Variants in BACH1 observed in about 807,000 individuals in gnomAD.
The protein encoded by BACH1 is BTB domain and CNC homolog 1.
BACH1 carries 35 observed loss-of-function variants against 52.9 expected under a neutral mutation model. That is an observed-to-expected ratio of 0.66 (90% CI 0.51 to 0.88). The LOEUF (loss-of-function observed/expected upper bound fraction) is 0.88, where lower values mean the gene tolerates loss of function less well. Ranked by LOEUF, BACH1 falls within the 40% of genes least tolerant of loss-of-function variation. BACH1 has a pLI of 0.00. For synonymous variants in BACH1, 321 were observed against 319.6 expected, an observed-to-expected ratio of 1.00 and a Z score of -0.05; for missense variants, 808 against 872.6, an observed-to-expected ratio of 0.93 and a Z score of 0.93.
chr21:29,343,520 T>A lies in BACH1; in HGVS notation c.*687T>A, dbSNP rs1281659116. 1 of 152,288 alleles carries A rather than the reference T, an allele frequency of 6.6e-6. No homozygotes were observed. Among genetic ancestry groups the A allele is most frequent in the African/African-American group, 2.4e-5 (1 of 41,462 alleles). 9.4% of individuals were successfully genotyped at this position (152,288 alleles called of 1,614,324 possible). A position where few individuals can be genotyped will look rare whatever the true frequency, so the allele number is the denominator to read the frequency against. ...GAAAGTCTGGCTACATGAATAGATTTAAGTGTCACTTTCCCTCCCTGCCCC... is the reference window on the plus strand; with the variant it reads ...GAAAGTCTGGCTACATGAATAGATTAAAGTGTCACTTTCCCTCCCTGCCCC... On this transcript the variant is annotated 3_prime_UTR_variant, in exon 5 of 5. Transcript: ENST00000286800.
chr21:29,341,045 G>C (rs2123474084), intron 4 of BACH1, among the ~76,000 whole-genome samples: 1 of 149,546 alleles, frequency 6.7e-6, no homozygotes, highest in South Asian at 2.1e-4. Context: ...TAAAAATTTA[G>C]TATTTTGTAT....
chr21:29,301,236 T>A (rs1275961249), intron 1 of BACH1, among the ~76,000 whole-genome samples: 3 of 152,138 alleles, frequency 2.0e-5, no homozygotes, highest in African/African-American at 7.2e-5. Context: ...GGAGGTTCAT[T>A]TGGAAGGAAT....
At chr21:29,347,608 A>G (rs2089177195), downstream of BACH1, among the ~76,000 whole-genome samples, 1 of 152,184 alleles carries the variant, frequency 6.6e-6, no homozygotes. Flanking sequence ...CTGGAGGAGG[A>G]GAGCATCTGT....
At chr21:29,303,204 A>G (rs942853036) in intron 1 of BACH1, among the ~76,000 whole-genome samples, 1 of 152,256 alleles carries the variant, frequency 6.6e-6, no homozygotes, top group Admixed American at 6.5e-5. Context: ...TGCCTGTACT[A>G]ATACAGAAAA....
At chr21:29,323,597 G>A (rs1935328752) in intron 2 of BACH1, among the ~76,000 whole-genome samples, 1 of 152,012 alleles carries the variant, frequency 6.6e-6, no homozygotes, top group Admixed American at 6.6e-5. Flanking sequence ...ATTGAGGGTG[G>A]GTCTTCCTCT....
Position 29,345,229 on chromosome 21 carries a change from A to G in BACH1, c.*2396A>G, listed in dbSNP as rs941215950. On this transcript the variant is annotated 3_prime_UTR_variant, in exon 5 of 5. Transcript: ENST00000286800. Reference sequence around the variant, plus strand: ...TTTTCTGTATATTGCATAGCATTACACATTTATGCCTATTTTAACATTAAC... The same window carrying G: ...TTTTCTGTATATTGCATAGCATTACGCATTTATGCCTATTTTAACATTAAC... 2 of 152,776 alleles carry G rather than the reference A, an allele frequency of 1.3e-5. No homozygotes were observed. The highest frequency in any genetic ancestry group is 2.9e-5 in the Non-Finnish European group (2 of 68,010). 9.5% of individuals were successfully genotyped at this position (152,776 alleles called of 1,614,324 possible).
chr21:29,308,385 A>T (rs1025109293), intron 1 of BACH1, among the ~76,000 whole-genome samples: 1 of 152,202 alleles, frequency 6.6e-6, no homozygotes, highest in African/African-American at 2.4e-5. Context: ...TAGTATCTCT[A>T]CTTGAATAAA....
chr21:29,349,202 A>G (rs1217256150), downstream of BACH1, among the ~76,000 whole-genome samples: 1 of 152,146 alleles, frequency 6.6e-6, no homozygotes, highest in African/African-American at 2.4e-5. Flanking sequence ...TTGTGCCTGA[A>G]TGCAGAATGG....
intron 1 of BACH1, among the ~76,000 whole-genome samples, chr21:29,302,482 G>A (rs981602972): frequency 2.0e-5 from 3 of 152,230 alleles, no homozygotes; most frequent in African/African-American, 7.2e-5. Flanking sequence ...GAGCCAGACT[G>A]CTTAAGGTCA....
chr21:29,341,945 C>T (rs2089117883), intron 4 of BACH1, among the ~76,000 whole-genome samples: 1 of 152,166 alleles, frequency 6.6e-6, no homozygotes, highest in Non-Finnish European at 1.5e-5. Context: ...AAATGCCATC[C>T]ATACCTGTTA....
chr21:29,310,906 C>T (rs987883051), intron 1 of BACH1, among the ~76,000 whole-genome samples: 2 of 152,058 alleles, frequency 1.3e-5, no homozygotes, highest in Admixed American at 6.6e-5. Context: ...TACAGGAGAG[C>T]AAAGAATTAT....
At chr21:29,311,276 A>G (rs2088718089) in intron 1 of BACH1, among the ~76,000 whole-genome samples, 1 of 152,138 alleles carries the variant, frequency 6.6e-6, no homozygotes, top group Non-Finnish European at 1.5e-5. Flanking sequence ...TGCCTTTTCT[A>G]TTTGAAGACT....
chr21:29,326,843 T>C lies in BACH1; in HGVS notation c.1019T>C (p.Met340Thr). 6.2e-7 allele frequency: 1 copy of C among 1,614,198 alleles called. No individual in the cohort carries two copies. The highest frequency in any genetic ancestry group is 8.5e-7 in the Non-Finnish European group (1 of 1,180,016). The change falls in exon 3 of 5, where the codon ATG (methionine) becomes ACG (threonine). Residue 340 changes from methionine to threonine, a missense_variant. Transcript: ENST00000286800. Reference sequence around the variant, plus strand: ...TATGGTGACTTGAATTTTGCTGGTATGCAAAACACAACAGTGTTAACAGAA... The same window carrying C: ...TATGGTGACTTGAATTTTGCTGGTACGCAAAACACAACAGTGTTAACAGAA... The part of the protein sequence containing the change: ...DQYGDLNFAG[M>T]QNTTVLTEKP...
At chr21:29,330,497 C>T (rs1033867568) in intron 4 of BACH1, among the ~76,000 whole-genome samples, 3 of 152,070 alleles carry the variant, frequency 2.0e-5, no homozygotes, top group African/African-American at 4.8e-5. Flanking sequence ...TCTATTCCAG[C>T]ATCAAGACAC....
downstream of BACH1, among the ~76,000 whole-genome samples, chr21:29,347,875 A>C (rs924599704): frequency 6.6e-6 from 1 of 152,244 alleles, no homozygotes; most frequent in African/African-American, 2.4e-5. Context: ...AGATCCCAAC[A>C]TAACATTCCC....
At chr21:29,324,231 C>CAAA (rs35915821) in intron 2 of BACH1, among the ~76,000 whole-genome samples, 41 of 63,152 alleles carry the variant, frequency 6.5e-4, no homozygotes, top group African/African-American at 1.4e-3. Flanking sequence ...GACTCTGCCT[C>CAAA]AAAAAAAAAA....
chr21:29,309,868 C>T (rs1488232784), intron 1 of BACH1, among the ~76,000 whole-genome samples: 2 of 152,108 alleles, frequency 1.3e-5, no homozygotes, highest in Non-Finnish European at 2.9e-5. Context: ...TCATATTTTT[C>T]AGAGGGCTTC....
rs909544320 is a variant in BACH1 at position 29,357,718 on chromosome 21, T to A, written c.472+28025T>A. Among the ~76,000 whole-genome samples, 91 of 152,280 alleles carry A rather than the reference T, an allele frequency of 6.0e-4. 1 individual carries two copies. Among genetic ancestry groups the A allele is most frequent in the African/African-American group, 2.1e-3 (87 of 41,554 alleles). ...ACTGGTTGTGGGGTTGCCCCATGAG[T>A]CTGAGTAAGGACTCCAAGAGCCATC... On this transcript the variant is annotated intron_variant, in intron 2 of 4. Coordinates refer to the BACH1 transcript ENST00000422809.
intron 1 of BACH1, among the ~76,000 whole-genome samples, chr21:29,317,694 T>C (rs929345081): frequency 2.0e-5 from 3 of 152,190 alleles, no homozygotes; most frequent in African/African-American, 4.8e-5. Flanking sequence ...AGGAAGAGAA[T>C]ACATTGGAGG....
Sources: allele counts gnomAD v4.1 joint callset (sites outside exome capture counted in the v4.1 genomes callset), GRCh38; gene constraint gnomAD v4.1.1; transcripts MANE v1.5; gene names NCBI Gene and HGNC (gene_info 2026-07-23, HGNC 2026-07-21).